BTBD7: variants seen among roughly 807,000 people sequenced by gnomAD.
The protein encoded by BTBD7 is BTB/POZ domain-containing protein 7.
In BTBD7, 38 loss-of-function variants were observed where a neutral mutation model predicts 99.9. The ratio of observed to expected loss-of-function variants is 0.38; its 90% CI spans 0.29 to 0.50. The LOEUF (loss-of-function observed/expected upper bound fraction) is 0.50, where lower values mean the gene tolerates loss of function less well. Ranked by LOEUF, BTBD7 falls within the 20% of genes least tolerant of loss-of-function variation. BTBD7 has a pLI of 0.93. For synonymous variants in BTBD7, 520 were observed against 511.4 expected, an observed-to-expected ratio of 1.02 and a Z score of -0.23; for missense variants, 1,170 against 1,394.6, an observed-to-expected ratio of 0.84 and a Z score of 2.57.
At chr14:93,246,586 T>A (rs542358151) in intron 9 of BTBD7, among the ~76,000 whole-genome samples, 3 of 152,354 alleles carry the variant, frequency 2.0e-5, no homozygotes, top group Admixed American at 6.5e-5. Flanking sequence ...AAAACCAAAC[T>A]CTAATATGTC....
chr14:93,294,895 T>C lies in BTBD7; in HGVS notation c.125A>G (p.Lys42Arg). Residue 42 changes from lysine (K) to arginine (R), a missense_variant, in exon 3 of 11, where the codon AAG (lysine) becomes AGG (arginine). By Grantham distance (26) the Lys-to-Arg change is conservative (BLOSUM62 2). Coordinates refer to ENST00000334746, the MANE Select transcript of BTBD7 (RefSeq NM_001002860.4). ...YSQQGYGCES[K>R]LYSLDHGHEK... Reference sequence around the variant, plus strand: ...ATGGCCATGGTCAAGGCTATACAACTTTGATTCGCAACCATAGCCTTGCTG... The same window carrying C: ...ATGGCCATGGTCAAGGCTATACAACCTTGATTCGCAACCATAGCCTTGCTG... The C allele has an allele frequency of 6.2e-7, 1 of 1,606,318 alleles. No individual in the cohort carries two copies. The highest frequency in any genetic ancestry group is 8.5e-7 in the Non-Finnish European group (1 of 1,178,152).
intron 3 of BTBD7, among the ~76,000 whole-genome samples, chr14:93,269,227 T>G (rs558488249): frequency 6.6e-6 from 1 of 152,346 alleles, no homozygotes; most frequent in Admixed American, 6.5e-5. Flanking sequence ...ATTTATCTTA[T>G]AATGTCAAAA....
chr14:93,328,955 T>C lies in BTBD7; in HGVS notation c.-107+3865A>G, dbSNP rs139880893. ...AAGAAAACATAGGGGAAAAGCTTCCTGACACTGGATTTAATAATGATTTCT... is the reference window on the plus strand; with the variant it reads ...AAGAAAACATAGGGGAAAAGCTTCCCGACACTGGATTTAATAATGATTTCT... On this transcript the variant is annotated intron_variant, in intron 1 of 10. Coordinates refer to ENST00000334746, the MANE Select transcript of BTBD7 (RefSeq NM_001002860.4). Among the ~76,000 whole-genome samples, 409 of 152,270 alleles carry C rather than the reference T, an allele frequency of 2.7e-3. 1 individual carries two copies. Among genetic ancestry groups the C allele is most frequent in the African/African-American group, 9.3e-3 (386 of 41,534 alleles).
In BTBD7 at chr14:93,293,967, G is replaced by A; in HGVS notation, c.1053C>T (p.Leu351=). 6.2e-7 allele frequency: 1 copy of A among 1,613,724 alleles called. No homozygotes were observed. The highest frequency in any genetic ancestry group is 1.7e-5 in the Admixed American group (1 of 60,006). The change falls in exon 3 of 11, where the codon CTC becomes CTT. Residue 351 remains leucine, a synonymous_variant. Transcript: ENST00000334746. ...CTGCGACGAGAGCCTGAACTTCACT[G>A]AGACTCCCCACAGAGGGGCTACAGT... is the stretch of plus-strand genomic sequence containing the variant. ...VLHCSPSVGS[L]SEVQALVAGK... is the part of the protein sequence containing the mutation.
chr14:93,262,484 C>T (rs1391133048), intron 4 of BTBD7, among the ~76,000 whole-genome samples: 1 of 152,174 alleles, frequency 6.6e-6, no homozygotes, highest in Non-Finnish European at 1.5e-5. Context: ...AAGCAACCCA[C>T]TTCCTATTTT....
chr14:93,312,883 G>A (rs1304055360), intron 1 of BTBD7, among the ~76,000 whole-genome samples: 3 of 149,496 alleles, frequency 2.0e-5, no homozygotes, highest in Middle Eastern at 3.2e-3. Flanking sequence ...CTCTTTTGCC[G>A]GCTCTGGGTC....
intron 1 of BTBD7, among the ~76,000 whole-genome samples, chr14:93,329,694 A>G (rs1253923671): frequency 6.6e-6 from 1 of 152,266 alleles, no homozygotes; most frequent in Non-Finnish European, 1.5e-5. Context: ...AGCCAGATAT[A>G]GAAGGACAAA....
chr14:93,321,313 A>AG (rs1403118021), intron 1 of BTBD7, among the ~76,000 whole-genome samples: 3 of 152,144 alleles, frequency 2.0e-5, no homozygotes, highest in African/African-American at 7.2e-5. Flanking sequence ...GCTTCTTTTA[A>AG]GGGGGGCAGT....
chr14:93,332,685 G>A lies in BTBD7; in HGVS notation c.-107+135C>T, dbSNP rs2053460945. The A allele has an allele frequency of 4.8e-6, 6 of 1,259,432 alleles. No individual in the cohort carries two copies. The Admixed American group carries it at 2.2e-4, about 45-fold the overall frequency. The allele number at this position is 1,259,432 out of a possible 1,614,324, so 78.0% of individuals were successfully genotyped here. A position where few individuals can be genotyped will look rare whatever the true frequency, so the allele number is the denominator to read the frequency against. On this transcript the variant is annotated intron_variant, in intron 1 of 10. Coordinates refer to ENST00000334746, the MANE Select transcript of BTBD7 (RefSeq NM_001002860.4). ...TGGCCCCTCCCCGCCCGGCGCCCCA[G>A]CGCCTCCCGCGGCGGCTTGGCCCCA...
At chr14:93,292,308 T>G (rs2052867625) in intron 3 of BTBD7, among the ~76,000 whole-genome samples, 2 of 152,112 alleles carry the variant, frequency 1.3e-5, no homozygotes, top group African/African-American at 4.8e-5. Flanking sequence ...GTTTTTTTTT[T>G]GGTAATGTTG....
chr14:93,294,870 A>G lies in BTBD7; in HGVS notation c.150T>C (p.His50=). 1 of 1,613,808 alleles carries G rather than the reference A, an allele frequency of 6.2e-7. No individual in the cohort carries two copies. Among genetic ancestry groups the G allele is most frequent in the Non-Finnish European group, 8.5e-7 (1 of 1,179,980 alleles). The change falls in exon 3 of 11, where the codon CAT becomes CAC. Residue 50 remains histidine (H), a synonymous_variant. Coordinates refer to ENST00000334746, the MANE Select transcript of BTBD7 (RefSeq NM_001002860.4). ...TCTTTTTTTTGTCTTGTGGTTTCTCATGGCCATGGTCAAGGCTATACAACT... is the reference window on the plus strand; with the variant it reads ...TCTTTTTTTTGTCTTGTGGTTTCTCGTGGCCATGGTCAAGGCTATACAACT... ...ESKLYSLDHG[H]EKPQDKKKRT...
chr14:93,268,173 CCTAA>C (rs2052561522), intron 3 of BTBD7, among the ~76,000 whole-genome samples: 1 of 151,782 alleles, frequency 6.6e-6, no homozygotes, highest in Non-Finnish European at 1.5e-5. Context: ...CTGAAATGCC[CCTAA>C]CTCTTTTTCT....
chr14:93,322,906 G>C (rs2053285944), intron 1 of BTBD7, among the ~76,000 whole-genome samples: 1 of 152,204 alleles, frequency 6.6e-6, no homozygotes, highest in Admixed American at 6.5e-5. Flanking sequence ...CTTGAGGCCA[G>C]GAGTTCAAGA....
In BTBD7 at chr14:93,242,008, TAA is replaced by T; in HGVS notation, c.*263_*264del. On this transcript the variant is annotated 3_prime_UTR_variant, in exon 11 of 11. Coordinates refer to ENST00000334746, the MANE Select transcript of BTBD7 (RefSeq NM_001002860.4). ...AAATTCCATCATTTGTAAAGAGAAA[TAA>T]AAAGTGCCAGCCTGCTTGTTCTTAA... The T allele has an allele frequency of 2.2e-6, 1 of 454,928 alleles. No homozygotes were observed. 28.2% of individuals were successfully genotyped at this position (454,928 alleles called of 1,614,324 possible). A position where few individuals can be genotyped will look rare whatever the true frequency, so the allele number is the denominator to read the frequency against.
At chr14:93,293,022 T>C (rs2052877099) in intron 3 of BTBD7, among the ~76,000 whole-genome samples, 1 of 152,200 alleles carries the variant, frequency 6.6e-6, no homozygotes, top group African/African-American at 2.4e-5. Flanking sequence ...ATTAGCTAAA[T>C]TTCTCAAGTA....
rs759891874 is a variant in BTBD7, at chr14:93,257,340, C to T, written c.1463G>A (p.Ser488Asn). 1.2e-5 allele frequency: 20 copies of T among 1,606,056 alleles called. No homozygotes were observed. Among genetic ancestry groups the T allele is most frequent in the Admixed American group, 1.0e-4 (6 of 57,842 alleles). The change falls in exon 6 of 11, where the codon AGT becomes AAT. Residue 488 changes from serine to asparagine, a missense_variant. Ser to Asn is a conservative substitution (Grantham distance 46). Transcript: ENST00000334746. Reference sequence around the variant, plus strand: ...TTTGTTCACACTATGGGCAGTGCCACTCAGTAAGTTTGGCTCTATGAGACA... The same window carrying T: ...TTTGTTCACACTATGGGCAGTGCCATTCAGTAAGTTTGGCTCTATGAGACA... The part of the protein sequence containing the change: ...RIADREPNLL[S>N]GTAHSVNKRG...
At chr14:93,269,986 TTATTAGAAATAAATGTTCATTGTGTTA>T (rs1414414482) in intron 3 of BTBD7, among the ~76,000 whole-genome samples, 1 of 152,202 alleles carries the variant, frequency 6.6e-6, no homozygotes, top group Non-Finnish European at 1.5e-5. Flanking sequence ...ACCCAGAAAC[TTATTAGAAATAAATGTTCATTGTGTTA>T]TACCACTGAG....
intron 1 of BTBD7, among the ~76,000 whole-genome samples, chr14:93,324,053 A>AT (rs1376983857): frequency 6.6e-6 from 1 of 152,256 alleles, no homozygotes; most frequent in Non-Finnish European, 1.5e-5. Flanking sequence ...CTAAAAGAAC[A>AT]TATGACTATT....
At chr14:93,252,323 A>AG (rs1363387948) in intron 7 of BTBD7, among the ~76,000 whole-genome samples, 56 of 152,020 alleles carry the variant, frequency 3.7e-4, no homozygotes, top group Non-Finnish European at 8.2e-4. Context: ...AAAAAAAAAA[A>AG]AGATTGATAA....
Sources: allele counts gnomAD v4.1 joint callset (sites outside exome capture counted in the v4.1 genomes callset), GRCh38; gene constraint gnomAD v4.1.1; transcripts MANE v1.5; gene names NCBI Gene and HGNC (gene_info 2026-07-23, HGNC 2026-07-21).